Variants in RNF125 observed in about 807,000 individuals in gnomAD.
RNF125 encodes the protein E3 ubiquitin-protein ligase RNF125.
A neutral mutation model predicts 26.0 loss-of-function variants in RNF125; 21 were observed. The ratio of observed to expected loss-of-function variants is 0.81; its 90% confidence interval spans 0.57 to 1.16. The LOEUF (loss-of-function observed/expected upper bound fraction) is 1.16. Ranked by LOEUF, RNF125 falls within the 50% of genes most tolerant of loss-of-function variation. RNF125 has a pLI of 0.00. For synonymous variants in RNF125, 95 were observed against 109.2 expected (o/e 0.87, Z 0.81); for missense variants, 270 against 299.4 (o/e 0.90, Z 0.72).
rs140044245 is a variant in RNF125, at chr18:32,050,368, G to C, written c.504+4636G>C. On this transcript the variant is annotated intron_variant, in intron 4 of 5. Transcript: ENST00000217740. ...AGGGTCTCGCTCTGTCACCCAGGCC[G>C]GACCGCAGTGGTGCAGTAATAGCTC... is the stretch of plus-strand genomic sequence containing the variant. 1.2e-4 allele frequency among the ~76,000 whole-genome samples: 19 copies of C among 152,228 alleles called. No individual in the cohort carries two copies. The East Asian group carries it at 3.7e-3, about 29-fold the overall frequency.
At chr18:32,039,496 G>A (rs1449535500) in intron 2 of RNF125, among the ~76,000 whole-genome samples, 3 of 152,086 alleles carry the variant, frequency 2.0e-5, no homozygotes, top group Non-Finnish European at 4.4e-5. Context: ...TATAACTGAT[G>A]ATTGTCTTTT....
At chr18:32,080,404 G>A in the RNF125 span, among the ~76,000 whole-genome samples, 2 of 152,218 alleles carry the variant, frequency 1.3e-5, no homozygotes, top group Non-Finnish European at 2.9e-5. Flanking sequence ...ATGTATGCAA[G>A]AAGGTCAAAG....
In RNF125 at chr18:32,018,890, C is replaced by A; in HGVS notation, c.27C>A (p.Ser9Arg). The A allele has an allele frequency of 6.3e-7, 1 of 1,593,654 alleles. No homozygotes were observed. Among genetic ancestry groups the A allele is most frequent in the African/African-American group, 1.4e-5 (1 of 73,622 alleles). MGSVLSTDSGKSAPASATA... is the reference protein window; with the variant it reads MGSVLSTDRGKSAPASATA... Reference sequence around the variant, plus strand: ...TGGGCTCCGTGCTGAGCACCGACAGCGGCAAATCGGCGCCCGCCTCTGCCA... The same window carrying A: ...TGGGCTCCGTGCTGAGCACCGACAGAGGCAAATCGGCGCCCGCCTCTGCCA... The change falls in exon 1 of 6, where the codon AGC becomes AGA. Residue 9 changes from serine (S) to arginine (R), a missense_variant. Transcript: ENST00000217740.
intron 1 of RNF125, among the ~76,000 whole-genome samples, chr18:32,024,723 G>A (rs2039017036): frequency 6.6e-6 from 1 of 151,914 alleles, no homozygotes. Flanking sequence ...TTACAGGCAT[G>A]AGCACTCCCA....
At chr18:32,024,161 C>T (rs1162803811) in intron 1 of RNF125, among the ~76,000 whole-genome samples, 1 of 148,236 alleles carries the variant, frequency 6.7e-6, no homozygotes, top group African/African-American at 2.5e-5. Context: ...ATTCGTTTTC[C>T]ATTAACAAAA....
chr18:32,053,255 G>A (rs894076266), intron 4 of RNF125, among the ~76,000 whole-genome samples: 1 of 152,072 alleles, frequency 6.6e-6, no homozygotes, highest in Non-Finnish European at 1.5e-5. Context: ...CCAGCTACTC[G>A]GGAGACTGAG....
At chr18:32,061,528 T>C (rs2144509792) in intron 4 of RNF125, among the ~76,000 whole-genome samples, 1 of 152,258 alleles carries the variant, frequency 6.6e-6, no homozygotes, top group East Asian at 1.9e-4. Context: ...TCCCCAACTT[T>C]CCCTACCTTC....
intron 1 of RNF125, among the ~76,000 whole-genome samples, chr18:32,021,437 A>G (rs1262923185): frequency 6.6e-6 from 1 of 151,938 alleles, no homozygotes; most frequent in African/African-American, 2.4e-5. Flanking sequence ...CGAGGCTTAA[A>G]TTTACCCTCC....
At position 32,070,299 on chromosome 18, in the gene RNF125, A is replaced by G. The variant is rs889048981; in HGVS notation, c.*1915A>G. The G allele has an allele frequency of 6.6e-6, 1 of 152,334 alleles. No homozygotes were observed. Among genetic ancestry groups the G allele is most frequent in the African/African-American group, 2.4e-5 (1 of 41,444 alleles). 9.4% of individuals were successfully genotyped at this position (152,334 alleles called of 1,614,324 possible). A position where few individuals can be genotyped will look rare whatever the true frequency, so the allele number is the denominator to read the frequency against. On this transcript the variant is annotated 3_prime_UTR_variant, in exon 6 of 6. Coordinates refer to ENST00000217740, the MANE Select transcript of RNF125 (RefSeq NM_017831.4). ...GTGATCCACCAGCCTTGGCCTCCCA[A>G]AATGCTGGGATTACAGGCATGAGCC...
chr18:32,044,370 A>T (rs145724679), intron 3 of RNF125, among the ~76,000 whole-genome samples: 21 of 152,354 alleles, frequency 1.4e-4, no homozygotes, highest in African/African-American at 4.8e-4. Flanking sequence ...ACAAATAAGA[A>T]GATAAAGTTT....
downstream of RNF125, among the ~76,000 whole-genome samples, chr18:32,074,584 C>G (rs1464399724): frequency 2.0e-5 from 3 of 151,794 alleles, no homozygotes; most frequent in African/African-American, 7.3e-5. Flanking sequence ...GCTCTGTTAC[C>G]CAGGCTGGAG....
intron 1 of RNF125, 132 bp downstream of exon 1, chr18:32,019,159 C>T: frequency 9.3e-7 from 1 of 1,076,712 alleles, no homozygotes; most frequent in South Asian, 1.5e-5. Context: ...GAAACCTGGA[C>T]CCGTCGGATG....
chr18:32,050,493 T>C (rs534220416), intron 4 of RNF125, among the ~76,000 whole-genome samples: 4 of 152,144 alleles, frequency 2.6e-5, no homozygotes, highest in Admixed American at 2.6e-4. Flanking sequence ...AATTCTTTAA[T>C]TATTATTTTT....
rs543297838 is a variant in RNF125 at position 32,036,989 on chromosome 18, G to A, written c.165-127G>A. 2.8e-4 allele frequency: 222 copies of A among 793,424 alleles called. 3 individuals carry two copies. In the Middle Eastern group the frequency reaches 7.1e-3, roughly 25 times the overall value. The allele number at this position is 793,424 out of a possible 1,614,324, so 49.1% of individuals were successfully genotyped here. A position where few individuals can be genotyped will look rare whatever the true frequency, so the allele number is the denominator to read the frequency against. On this transcript the variant is annotated intron_variant, in intron 1 of 5. Coordinates refer to ENST00000217740, the MANE Select transcript of RNF125 (RefSeq NM_017831.4). ...GGAAGTGCAGGGTGCAAGTGGACCT[G>A]TAATTTGGTAGTATGGCTCATGGGG...
chr18:32,062,161 T>C (rs574207555), intron 4 of RNF125, among the ~76,000 whole-genome samples: 65 of 152,352 alleles, frequency 4.3e-4, no homozygotes, highest in African/African-American at 1.4e-3. Flanking sequence ...GGGAAACTTA[T>C]ATGCTCAAGA....
At position 32,068,764 on chromosome 18, in the gene RNF125, A is replaced by G. The variant is rs567936089; in HGVS notation, c.*380A>G. On this transcript the variant is annotated 3_prime_UTR_variant, in exon 6 of 6. Coordinates refer to ENST00000217740, the MANE Select transcript of RNF125 (RefSeq NM_017831.4). ...CGATAACTAATCTTTGTTCTGTGTA[A>G]AAAAATATGGAGAGTGAAACAAAGT... 6.3e-6 allele frequency: 1 copy of G among 159,630 alleles called. No individual in the cohort carries two copies. Among genetic ancestry groups the G allele is most frequent in the African/African-American group, 2.4e-5 (1 of 41,722 alleles). 9.9% of individuals were successfully genotyped at this position (159,630 alleles called of 1,614,324 possible).
downstream of RNF125, among the ~76,000 whole-genome samples, chr18:32,074,935 A>C (rs2039559886): frequency 6.6e-6 from 1 of 152,176 alleles, no homozygotes; most frequent in South Asian, 2.1e-4. Flanking sequence ...TAAGATAGTG[A>C]TTTCTTTTTT....
At chr18:32,045,330 G>A (rs1423221556) in intron 3 of RNF125, among the ~76,000 whole-genome samples, 1 of 151,830 alleles carries the variant, frequency 6.6e-6, no homozygotes, top group Non-Finnish European at 1.5e-5. Context: ...AGGCCGAGGT[G>A]GGTGGATCAC....
At chr18:32,057,622 A>G (rs531706726) in intron 4 of RNF125, among the ~76,000 whole-genome samples, 1 of 152,264 alleles carries the variant, frequency 6.6e-6, no homozygotes, top group East Asian at 1.9e-4. Flanking sequence ...GGCATGAGCT[A>G]CCGCGCCTGG....
Sources: allele counts gnomAD v4.1 joint callset (sites outside exome capture counted in the v4.1 genomes callset), GRCh38; gene constraint gnomAD v4.1.1; transcripts MANE v1.5; gene names NCBI Gene and HGNC (gene_info 2026-07-23, HGNC 2026-07-21).